AKAP6: variants seen among roughly 807,000 people sequenced by gnomAD.
The protein encoded by AKAP6 is A-kinase anchor protein 6.
AKAP6 carries 58 observed loss-of-function variants against 188.5 expected under a neutral mutation model. That is an observed-to-expected ratio of 0.31 (90% CI 0.25 to 0.38). AKAP6 has a LOEUF of 0.38. AKAP6 is among the 10% of genes least tolerant of loss of function. AKAP6 has a pLI of 1.00. For synonymous variants in AKAP6, 989 were observed against 998.6 expected (o/e 0.99, Z 0.18); for missense variants, 2,710 against 2,740.0 (o/e 0.99, Z 0.24).
At chr14:32,705,956 A>G (rs950536539) in intron 9 of AKAP6, among the ~76,000 whole-genome samples, 3 of 152,116 alleles carry the variant, frequency 2.0e-5, no homozygotes, top group African/African-American at 7.2e-5. Flanking sequence ...GTTCCACTCA[A>G]AATTTTTTGG....
At position 32,582,069 on chromosome 14, in the gene AKAP6, G is replaced by C. The variant is rs868295478; in HGVS notation, c.2469+4827G>C. Among the ~76,000 whole-genome samples the C allele has an allele frequency of 9.2e-5, 14 of 151,982 alleles. 2 individuals carry two copies. In the South Asian group the frequency reaches 2.9e-3, roughly 32 times the overall value. On this transcript the variant is annotated intron_variant, in intron 5 of 13. Transcript: ENST00000280979. ...TAGCTGGTTATTTTGCTCGTTAGTT[G>C]ATGCAGTTTCTTCCTAGCCTCGATG...
chr14:32,594,088 G>A (rs188698828), intron 5 of AKAP6, among the ~76,000 whole-genome samples: 100 of 152,096 alleles, frequency 6.6e-4, no homozygotes, highest in African/African-American at 2.0e-3. Context: ...CTGCTTTAAC[G>A]CTTTATATTT....
chr14:32,783,208 C>T (rs1432835365), intron 12 of AKAP6, among the ~76,000 whole-genome samples: 1 of 151,880 alleles, frequency 6.6e-6, no homozygotes, highest in Non-Finnish European at 1.5e-5. Context: ...TTTCCATATG[C>T]ACAGACATAG....
intron 1 of AKAP6, among the ~76,000 whole-genome samples, chr14:32,416,654 A>G (rs370014986): frequency 1.3e-5 from 2 of 152,060 alleles, no homozygotes; most frequent in African/African-American, 4.8e-5. Flanking sequence ...TCCCGGGTTC[A>G]AGTGATTCTC....
intron 2 of AKAP6, among the ~76,000 whole-genome samples, chr14:32,507,552 T>C (rs1880941875): frequency 1.3e-5 from 2 of 152,102 alleles, no homozygotes; most frequent in Admixed American, 1.3e-4. Flanking sequence ...TTTTTTTTTT[T>C]TCTTCCATTT....
intron 9 of AKAP6, among the ~76,000 whole-genome samples, chr14:32,730,105 A>G (rs1468255220): frequency 4.6e-5 from 7 of 152,206 alleles, no homozygotes. Flanking sequence ...ATACAGCTTG[A>G]GCCCCTAAAC....
intron 7 of AKAP6, among the ~76,000 whole-genome samples, chr14:32,604,550 C>G (rs1184361539): frequency 6.6e-6 from 1 of 152,126 alleles, no homozygotes; most frequent in Non-Finnish European, 1.5e-5. Flanking sequence ...CTCCCTTGGG[C>G]AAACACATAT....
intron 12 of AKAP6, among the ~76,000 whole-genome samples, chr14:32,802,507 A>G (rs532207003): frequency 1.3e-5 from 2 of 152,360 alleles, no homozygotes; most frequent in Non-Finnish European, 2.9e-5. Flanking sequence ...TTGTTTACTC[A>G]TCAAAAAGAG....
intron 11 of AKAP6, among the ~76,000 whole-genome samples, chr14:32,756,524 G>A (rs1281750151): frequency 2.0e-5 from 3 of 152,012 alleles, no homozygotes; most frequent in East Asian, 1.9e-4. Flanking sequence ...ATGAGGCGTT[G>A]GTCTGGAACC....
At chr14:32,338,667 C>T (rs1412846898) in intron 1 of AKAP6, among the ~76,000 whole-genome samples, 1 of 152,008 alleles carries the variant, frequency 6.6e-6, no homozygotes, top group East Asian at 1.9e-4. Context: ...ATTTTGGAGC[C>T]AGGTATATTT....
chr14:32,409,131 T>C (rs919284487), intron 1 of AKAP6, among the ~76,000 whole-genome samples: 1 of 152,014 alleles, frequency 6.6e-6, no homozygotes, highest in Admixed American at 6.6e-5. Context: ...ACCTGGCAGG[T>C]GGAGGTTGCA....
chr14:32,459,434 T>C (rs1218431882), intron 2 of AKAP6, among the ~76,000 whole-genome samples: 4 of 152,018 alleles, frequency 2.6e-5, no homozygotes, highest in African/African-American at 9.7e-5. Flanking sequence ...AAGTGATAGA[T>C]ACAGACAGAT....
intron 7 of AKAP6, among the ~76,000 whole-genome samples, chr14:32,643,893 G>T (rs1390227451): frequency 2.0e-5 from 3 of 152,138 alleles, no homozygotes; most frequent in Non-Finnish European, 2.9e-5. Flanking sequence ...TTCATCTTCT[G>T]TTAGGATTCA....
chr14:32,701,826 G>T (rs568015354), intron 9 of AKAP6, among the ~76,000 whole-genome samples: 2 of 151,988 alleles, frequency 1.3e-5, no homozygotes, highest in Non-Finnish European at 2.9e-5. Context: ...GACTAAACTT[G>T]AGCCCCTAAA....
intron 2 of AKAP6, among the ~76,000 whole-genome samples, chr14:32,466,575 G>C (rs187953225): frequency 4.0e-4 from 60 of 151,892 alleles, no homozygotes; most frequent in African/African-American, 1.3e-3. Flanking sequence ...GAGCCTGTTG[G>C]GGGGTGGGGG....
At chr14:32,368,711 A>G (rs763885095) in intron 1 of AKAP6, among the ~76,000 whole-genome samples, 2 of 152,128 alleles carry the variant, frequency 1.3e-5, no homozygotes, top group Non-Finnish European at 2.9e-5. Flanking sequence ...GCAGTGCCCA[A>G]ACCGTGGACC....
chr14:32,579,725 T>C (rs1191954030), intron 5 of AKAP6, among the ~76,000 whole-genome samples: 1 of 152,178 alleles, frequency 6.6e-6, no homozygotes, highest in Non-Finnish European at 1.5e-5. Flanking sequence ...AATATTGTCA[T>C]TTTTATTGTA....
intron 9 of AKAP6, among the ~76,000 whole-genome samples, chr14:32,726,466 C>G (rs1289525941): frequency 6.6e-6 from 1 of 152,208 alleles, no homozygotes; most frequent in Non-Finnish European, 1.5e-5. Context: ...CAGGAAAACA[C>G]TAAATTCTAA....
chr14:32,830,146 A>C lies in AKAP6; in HGVS notation c.*341A>C. The C allele has an allele frequency of 5.3e-6, 3 of 562,702 alleles. No homozygotes were observed. The highest frequency in any genetic ancestry group is 1.9e-5 in the African/African-American group (1 of 51,698). The allele number at this position is 562,702 out of a possible 1,614,324, so 34.9% of individuals were successfully genotyped here. On this transcript the variant is annotated 3_prime_UTR_variant, in exon 14 of 14. Coordinates refer to ENST00000280979, the MANE Select transcript of AKAP6 (RefSeq NM_004274.5). ...CTCTTTGCCTCCTCCCTTCCCTTCC[A>C]CTCTTTAAAGTTCTGCAGTTCACCA... is the stretch of plus-strand genomic sequence containing the variant.
Sources: allele counts gnomAD v4.1 joint callset (sites outside exome capture counted in the v4.1 genomes callset), GRCh38; gene constraint gnomAD v4.1.1; transcripts MANE v1.5; gene names NCBI Gene and HGNC (gene_info 2026-07-23, HGNC 2026-07-21).